Variants in DOCK8 observed in about 807,000 individuals in gnomAD.
The protein encoded by DOCK8 is dedicator of cytokinesis protein 8.
In DOCK8, 141 loss-of-function variants were observed where a neutral mutation model predicts 245.6. That is an observed-to-expected ratio of 0.57 (90% CI 0.50 to 0.66). The LOEUF is 0.66. Ranked by LOEUF, DOCK8 falls within the 30% of genes least tolerant of loss-of-function variation. DOCK8 has a pLI of 0.00. For missense variants in DOCK8, 2,965 were observed against 2,603.4 expected, an observed-to-expected ratio of 1.14 and a Z score of -3.02; for synonymous variants, 1,168 against 970.2, an observed-to-expected ratio of 1.20 and a Z score of -3.79.
At chr9:398,698 T>G (rs2054582683) in intron 25 of DOCK8, among the ~76,000 whole-genome samples, 1 of 152,078 alleles carries the variant, frequency 6.6e-6, no homozygotes, top group African/African-American at 2.4e-5. Flanking sequence ...AGGTAAAAAC[T>G]AATTCTTTTA....
intron 14 of DOCK8, among the ~76,000 whole-genome samples, chr9:363,242 G>A (rs2052818089): frequency 6.6e-6 from 1 of 152,130 alleles, no homozygotes; most frequent in Non-Finnish European, 1.5e-5. Context: ...TAAATGCCTG[G>A]CACATACACT....
At chr9:382,822 G>A (rs2053779530) in intron 22 of DOCK8, 137 bp downstream of exon 22, 1 of 1,152,940 alleles carries the variant, frequency 8.7e-7, no homozygotes, top group Non-Finnish European at 1.2e-6. Flanking sequence ...GCTTTGGAGT[G>A]ATTAACGTTC....
intron 1 of DOCK8, among the ~76,000 whole-genome samples, chr9:226,697 G>A (rs562367184): frequency 9.2e-5 from 14 of 152,310 alleles, no homozygotes; most frequent in African/African-American, 3.4e-4. Flanking sequence ...AAAGACTGGA[G>A]GAGAAGCAGG....
intron 14 of DOCK8, among the ~76,000 whole-genome samples, chr9:344,800 C>T (rs1042701610): frequency 2.0e-5 from 3 of 152,150 alleles, no homozygotes; most frequent in African/African-American, 7.2e-5. Flanking sequence ...ATAATCCTAG[C>T]GCTTTCGGAG....
chr9:248,555 CTCTCTCTTTCTTTCTTTCTCTCTCTCTG>C lies in DOCK8; in HGVS notation c.54-23068_54-23041del, dbSNP rs1186971720. The stretch of plus-strand genomic sequence containing the variant: ...TCTCTTTCTTTCTTTCTTTCTCTCT[CTCTCTCTTTCTTTCTTTCTCTCTCTCTG>C]TCTTTCTTTCTCTCTTTCTTTCTTT... On this transcript the variant is annotated intron_variant, in intron 1 of 47. Transcript: ENST00000432829. Among the ~76,000 whole-genome samples the C allele has an allele frequency of 6.7e-5, 6 of 89,552 alleles. No individual in the cohort carries two copies. The South Asian group carries it at 1.2e-3, about 18-fold the overall frequency. 58.7% of individuals were successfully genotyped at this position (89,552 alleles called of 152,430 possible).
chr9:304,657 CAG>C lies in DOCK8; in HGVS notation c.483_484del (p.Gln161HisfsTer3), dbSNP rs754257007. The C allele has an allele frequency of 6.2e-7, 1 of 1,614,168 alleles. No individual in the cohort carries two copies. The highest frequency in any genetic ancestry group is 1.1e-5 in the South Asian group (1 of 91,090). On this transcript the variant is annotated frameshift_variant, in exon 5 of 48. Coordinates refer to ENST00000432829, the MANE Select transcript of DOCK8 (RefSeq NM_203447.4). LOFTEE classifies it high-confidence loss of function. Reference protein sequence around the residue: ...RKDFHKTLPKQTFESETLECS... With the variant: ...RKDFHKTLPKXTFESETLECS... ...AGATTTTCACAAGACGCTTCCGAAA[CAG>C]ACGTTTGAGTCGGAAACCTTGGAGT...
Position 291,482 on chromosome 9 carries a change from C to G in DOCK8, c.404+1901C>G, listed in dbSNP as rs149841451. On this transcript the variant is annotated intron_variant, in intron 4 of 47. Transcript: ENST00000432829. Reference sequence around the variant, plus strand: ...TAAGATTATAATATCATTTTTGTAACATGCATTTTCAGTTTTCACAGTAAA... The same window carrying G: ...TAAGATTATAATATCATTTTTGTAAGATGCATTTTCAGTTTTCACAGTAAA... 5.3e-3 allele frequency among the ~76,000 whole-genome samples: 813 copies of G among 152,202 alleles called. 9 individuals carry two copies. Among genetic ancestry groups the G allele is most frequent in the African/African-American group, 0.019 (782 of 41,534 alleles).
chr9:418,011 G>C, intron 29 of DOCK8, 57 bp from the exon 30 acceptor site: 2 of 1,611,590 alleles, frequency 1.2e-6, no homozygotes, highest in South Asian at 1.1e-5. Context: ...TATTGGGTAG[G>C]GGACATGGGG....
chr9:340,117 T>TG, intron 13 of DOCK8, 42 bp from the exon 14 acceptor site: 1 of 1,598,278 alleles, frequency 6.3e-7, no homozygotes, highest in South Asian at 1.1e-5. Context: ...CCTCATAACA[T>TG]GACAGTTTCT....
intron 4 of DOCK8, among the ~76,000 whole-genome samples, chr9:302,870 G>C (rs1012532042): frequency 2.0e-5 from 3 of 152,058 alleles, no homozygotes; most frequent in African/African-American, 7.2e-5. Flanking sequence ...GCTTATGCTT[G>C]TAATCCCAGC....
At position 399,263 on chromosome 9, in the gene DOCK8, A is replaced by G; in HGVS notation, c.3234+4A>G. Reference sequence around the variant, plus strand: ...CATCAGACATTATTGCAGCCAGGTGAGTGTCCCCCCCACCCCCACCCCCGA... The same window carrying G: ...CATCAGACATTATTGCAGCCAGGTGGGTGTCCCCCCCACCCCCACCCCCGA... On this transcript the variant is annotated splice_donor_region_variant and intron_variant, in intron 26 of 47. Coordinates refer to ENST00000432829, the MANE Select transcript of DOCK8 (RefSeq NM_203447.4). 6.3e-7 allele frequency: 1 copy of G among 1,595,838 alleles called. No individual in the cohort carries two copies. Among genetic ancestry groups the G allele is most frequent in the Non-Finnish European group, 8.5e-7 (1 of 1,170,406 alleles).
rs1266516155 is a variant in DOCK8 at position 382,598 on chromosome 9, G to T, written c.2691G>T (p.Gln897His). 6.2e-7 allele frequency: 1 copy of T among 1,614,176 alleles called. No homozygotes were observed. The highest frequency in any genetic ancestry group is 2.2e-5 in the East Asian group (1 of 44,886). Residue 897 changes from glutamine (Q) to histidine (H), a missense_variant, in exon 22 of 48, where the codon CAG becomes CAT. By Grantham distance (24) the Gln-to-His change is conservative (BLOSUM62 0). Transcript: ENST00000432829. ...SAAAVSSKLL[Q>H]ARVMSSSNPD... ...CTGCTGTGAGTTCAAAGCTGCTGCAGGCCCGGGTGATGAGCAGCAGTAACC... is the reference window on the plus strand; with the variant it reads ...CTGCTGTGAGTTCAAAGCTGCTGCATGCCCGGGTGATGAGCAGCAGTAACC...
chr9:392,269 C>A (rs753065873), intron 24 of DOCK8, among the ~76,000 whole-genome samples: 1 of 151,748 alleles, frequency 6.6e-6, no homozygotes, highest in Admixed American at 6.6e-5. Context: ...GAACAAAGGG[C>A]AAAGGAAACA....
chr9:232,149 A>G (rs1733439165), intron 1 of DOCK8, among the ~76,000 whole-genome samples: 1 of 152,146 alleles, frequency 6.6e-6, no homozygotes, highest in Non-Finnish European at 1.5e-5. Context: ...ATCTATTGAG[A>G]TAATCATGTG....
intron 46 of DOCK8, among the ~76,000 whole-genome samples, chr9:461,217 A>C (rs1369762651): frequency 1.3e-5 from 2 of 152,202 alleles, no homozygotes; most frequent in East Asian, 3.8e-4. Flanking sequence ...TGTCATGAGA[A>C]GACTGGATAT....
chr9:452,964 A>G (rs927087584), intron 46 of DOCK8: 3 of 152,264 alleles, frequency 2.0e-5, no homozygotes, highest in Non-Finnish European at 4.4e-5. Context: ...AGAGAAAAGG[A>G]CTTCAGAAAA....
chr9:326,046 G>A, intron 8 of DOCK8, among the ~76,000 whole-genome samples: 1 of 152,168 alleles, frequency 6.6e-6, no homozygotes, highest in Non-Finnish European at 1.5e-5. Context: ...AACAAGCTTG[G>A]ATGCGCATGT....
intron 4 of DOCK8, among the ~76,000 whole-genome samples, chr9:303,704 G>A (rs2049670025): frequency 1.3e-5 from 2 of 152,178 alleles, no homozygotes; most frequent in South Asian, 4.1e-4. Context: ...GTCACTATGT[G>A]GGTGACGTCA....
intron 18 of DOCK8, among the ~76,000 whole-genome samples, chr9:374,552 C>T (rs1316125625): frequency 7.2e-6 from 1 of 138,372 alleles, no homozygotes; most frequent in Non-Finnish European, 1.5e-5. Flanking sequence ...ATCTTGAACT[C>T]ATAGGCTCAA....
Sources: gnomAD v4.1 joint callset for allele counts (sites outside exome capture counted in the v4.1 genomes callset) on GRCh38, gnomAD v4.1.1 for gene constraint, MANE v1.5 for transcripts, NCBI Gene and HGNC (gene_info 2026-07-23, HGNC 2026-07-21) for gene names.